The following SULF1 variants were observed in gnomAD, a reference collection of about 807,000 sequenced individuals.
SULF1 encodes the protein sulfatase 1, also known as extracellular sulfatase Sulf-1.
SULF1 carries 46 observed loss-of-function variants against 110.5 expected under a neutral mutation model. That is an observed-to-expected ratio of 0.42 (90% confidence interval 0.33 to 0.53). The LOEUF (loss-of-function observed/expected upper bound fraction) is 0.53, where lower values mean the gene tolerates loss of function less well. Ranked by LOEUF, SULF1 falls within the 20% of genes least tolerant of loss-of-function variation. The pLI, the probability that SULF1 is intolerant of heterozygous loss-of-function variation, is 0.12. For synonymous variants in SULF1, 371 were observed against 387.1 expected, an observed-to-expected ratio of 0.96 and a Z score of 0.49; for missense variants, 941 against 1,094.2, an observed-to-expected ratio of 0.86 and a Z score of 1.98.
intron 1 of SULF1, among the ~76,000 whole-genome samples, chr8:69,479,512 A>C (rs540264138): frequency 6.0e-4 from 92 of 152,340 alleles, no homozygotes; most frequent in Non-Finnish European, 9.3e-4. Context: ...ATTACTTAGA[A>C]GAAAGACGAA....
At chr8:69,612,319 G>C (rs1378963037) in intron 13 of SULF1, among the ~76,000 whole-genome samples, 1 of 152,170 alleles carries the variant, frequency 6.6e-6, no homozygotes, top group Non-Finnish European at 1.5e-5. Flanking sequence ...ACATGCCTAT[G>C]CATGTGTCCT....
intron 5 of SULF1, among the ~76,000 whole-genome samples, chr8:69,570,998 C>A (rs1360311325): frequency 1.3e-5 from 2 of 152,220 alleles, no homozygotes; most frequent in Admixed American, 1.3e-4. Flanking sequence ...GTGTCTGGCT[C>A]CCACTTCATG....
intron 1 of SULF1, among the ~76,000 whole-genome samples, chr8:69,493,443 A>ACTACAC (rs1491406318): frequency 2.9e-5 from 4 of 139,102 alleles, no homozygotes; most frequent in Non-Finnish European, 6.1e-5. Flanking sequence ...ACACACACAC[A>ACTACAC]ACACTACACA....
chr8:69,598,055 C>T (rs1252056402), intron 8 of SULF1, among the ~76,000 whole-genome samples: 1 of 151,894 alleles, frequency 6.6e-6, no homozygotes, highest in African/African-American at 2.4e-5. Flanking sequence ...TTAAGTCCCT[C>T]CCCACTTCCC....
At chr8:69,595,135 C>T (rs999336678) in intron 8 of SULF1, among the ~76,000 whole-genome samples, 2 of 152,150 alleles carry the variant, frequency 1.3e-5, no homozygotes, top group Non-Finnish European at 1.5e-5. Flanking sequence ...AGAGATACTA[C>T]AATTCCGTAG....
intron 1 of SULF1, among the ~76,000 whole-genome samples, chr8:69,482,409 A>G (rs1442556344): frequency 6.6e-6 from 1 of 152,222 alleles, no homozygotes; most frequent in Admixed American, 6.5e-5. Context: ...GGATCATGCC[A>G]CATAACTAAG....
At chr8:69,518,878 C>A (rs2150606531) in intron 3 of SULF1, among the ~76,000 whole-genome samples, 1 of 152,194 alleles carries the variant, frequency 6.6e-6, no homozygotes, top group Non-Finnish European at 1.5e-5. Flanking sequence ...GGACCCCATA[C>A]AGATTTCTGG....
intron 3 of SULF1, among the ~76,000 whole-genome samples, chr8:69,529,114 A>T (rs1255596746): frequency 6.6e-6 from 1 of 152,170 alleles, no homozygotes; most frequent in Non-Finnish European, 1.5e-5. Context: ...GGAAACTGAG[A>T]TCCGGAAAGT....
chr8:69,534,861 A>T (rs1813332010), intron 3 of SULF1, among the ~76,000 whole-genome samples: 1 of 132,358 alleles, frequency 7.6e-6, no homozygotes, highest in South Asian at 2.6e-4. Flanking sequence ...TTAATACTTA[A>T]AGGAAATTTA....
chr8:69,490,224 T>C (rs1222906804), upstream of SULF1, among the ~76,000 whole-genome samples: 1 of 150,376 alleles, frequency 6.6e-6, no homozygotes, highest in Non-Finnish European at 1.5e-5. Flanking sequence ...CACTTCAGCC[T>C]CCCAAGTAGC....
intron 5 of SULF1, among the ~76,000 whole-genome samples, chr8:69,573,916 C>A (rs954969709): frequency 6.6e-6 from 1 of 152,218 alleles, no homozygotes; most frequent in Non-Finnish European, 1.5e-5. Flanking sequence ...CAACTCCCAG[C>A]CTTCTCATGC....
At chr8:69,529,885 G>A (rs1195464375) in intron 3 of SULF1, among the ~76,000 whole-genome samples, 1 of 152,148 alleles carries the variant, frequency 6.6e-6, no homozygotes, top group East Asian at 1.9e-4. Context: ...TAATCCCATT[G>A]GTTACCCAGG....
rs1415216545 is a variant in SULF1 at position 69,586,523 on chromosome 8, C to T, written c.564+15C>T. ...ATTATGCAAAGGTAATTTTCAGGCA[C>T]TTTTACACTGCATCAATTTACTTTG... On this transcript the variant is annotated intron_variant, in intron 7 of 22. Coordinates refer to ENST00000402687, the MANE Select transcript of SULF1 (RefSeq NM_001128205.2). 3.1e-6 allele frequency: 5 copies of T among 1,604,548 alleles called. No homozygotes were observed. Among genetic ancestry groups the T allele is most frequent in the African/African-American group, 2.7e-5 (2 of 74,716 alleles).
Position 69,542,679 on chromosome 8 carries a change from T to C in SULF1, c.-133-20860T>C, listed in dbSNP as rs73683953. 3.7e-3 allele frequency among the ~76,000 whole-genome samples: 557 copies of C among 152,294 alleles called. 6 individuals are homozygous for C. Among genetic ancestry groups the C allele is most frequent in the African/African-American group, 0.013 (521 of 41,562 alleles). Reference sequence around the variant, plus strand: ...GGCCTCAGCATCCTCAATTTTAAAATAAGTTGAATACGATGACTTCTGAAG... The same window carrying C: ...GGCCTCAGCATCCTCAATTTTAAAACAAGTTGAATACGATGACTTCTGAAG... On this transcript the variant is annotated intron_variant, in intron 3 of 22. Coordinates refer to ENST00000402687, the MANE Select transcript of SULF1 (RefSeq NM_001128205.2).
intron 1 of SULF1, among the ~76,000 whole-genome samples, chr8:69,477,488 C>A (rs1419918385): frequency 5.3e-5 from 8 of 152,124 alleles, no homozygotes; most frequent in Admixed American, 2.6e-4. Flanking sequence ...CTGCTTCAGG[C>A]AAATCATATT....
intron 22 of SULF1, chr8:69,642,155 A>C (rs1194044092): frequency 1.2e-6 from 1 of 820,736 alleles, no homozygotes; most frequent in Non-Finnish European, 1.5e-6. Context: ...TATCTATATT[A>C]ATATCTTCTT....
At chr8:69,556,258 A>G (rs1815111127) in intron 3 of SULF1, among the ~76,000 whole-genome samples, 1 of 152,220 alleles carries the variant, frequency 6.6e-6, no homozygotes, top group Non-Finnish European at 1.5e-5. Flanking sequence ...TTGGTCCACT[A>G]AATTTTCCAG....
chr8:69,495,213 A>AT (rs61008806), intron 1 of SULF1, among the ~76,000 whole-genome samples: 1 of 152,012 alleles, frequency 6.6e-6, no homozygotes, highest in Admixed American at 6.6e-5. Flanking sequence ...ATAAAAAGCA[A>AT]TTTTTTTAAG....
At chr8:69,522,104 G>A (rs1299129799) in intron 3 of SULF1, among the ~76,000 whole-genome samples, 1 of 151,728 alleles carries the variant, frequency 6.6e-6, no homozygotes, top group Non-Finnish European at 1.5e-5. Flanking sequence ...AGGCTGGAGT[G>A]CAGTGGAATG....
Sources: allele counts gnomAD v4.1 joint callset (sites outside exome capture counted in the v4.1 genomes callset), GRCh38; gene constraint gnomAD v4.1.1; transcripts MANE v1.5; gene names NCBI Gene and HGNC (gene_info 2026-07-23, HGNC 2026-07-21).